The following CLTA variants were observed in gnomAD, a reference collection of about 807,000 sequenced individuals.
CLTA encodes the protein clathrin light chain A.
Under a neutral mutation model 26.9 loss-of-function variants are expected in CLTA, and 9 were observed. The ratio of observed to expected loss-of-function variants is 0.33; its 90% confidence interval spans 0.20 to 0.58. The LOEUF is 0.58. Ranked by LOEUF, CLTA falls within the 20% of genes least tolerant of loss-of-function variation. The pLI is 0.85. For synonymous variants in CLTA, 120 were observed against 115.5 expected (o/e 1.04, Z -0.25); for missense variants, 278 against 294.2 (o/e 0.94, Z 0.40).
intron 4 of CLTA, chr9:36,210,614 T>G: frequency 6.2e-7 from 1 of 1,614,066 alleles, no homozygotes; most frequent in Non-Finnish European, 8.5e-7. Flanking sequence ...TTTCTTCTCT[T>G]CACCTTTAAG....
At chr9:36,196,135 G>A (rs1418955547) in intron 1 of CLTA, among the ~76,000 whole-genome samples, 1 of 151,400 alleles carries the variant, frequency 6.6e-6, no homozygotes, top group Admixed American at 6.6e-5. Context: ...AAAAAATTAG[G>A]TGGGCATGAT....
intron 1 of CLTA, among the ~76,000 whole-genome samples, chr9:36,192,280 G>A (rs1826780229): frequency 6.6e-6 from 1 of 152,292 alleles, no homozygotes; most frequent in African/African-American, 2.4e-5. Context: ...AGAGAAGCTG[G>A]CTTGACATGA....
intron 4 of CLTA, among the ~76,000 whole-genome samples, chr9:36,210,072 G>C (rs982161471): frequency 2.6e-5 from 4 of 151,698 alleles, no homozygotes; most frequent in Non-Finnish European, 5.9e-5. Context: ...CTCTGGAGAA[G>C]GTGTTTTTCT....
rs371898187 is a variant in CLTA at position 36,198,798 on chromosome 9, G to A, written c.256-181G>A. Among the ~76,000 whole-genome samples, 13 of 151,046 alleles carry A rather than the reference G, an allele frequency of 8.6e-5. No individual in the cohort carries two copies. The East Asian group carries it at 2.0e-3, about 23-fold the overall frequency. On this transcript the variant is annotated intron_variant, in intron 2 of 4. Transcript: ENST00000345519. ...TGAGGCAGGAGAATTGCTTGAACCCGGGAGGTGGAGGTTGCAGTGAGCCGA... is the reference window on the plus strand; with the variant it reads ...TGAGGCAGGAGAATTGCTTGAACCCAGGAGGTGGAGGTTGCAGTGAGCCGA...
At chr9:36,194,463 A>T (rs1018018225) in intron 1 of CLTA, among the ~76,000 whole-genome samples, 1 of 152,214 alleles carries the variant, frequency 6.6e-6, no homozygotes, top group Non-Finnish European at 1.5e-5. Flanking sequence ...TGTACTGCAC[A>T]TTTGCTGTAT....
chr9:36,190,922 C>T lies in CLTA; in HGVS notation c.-135C>T. 7.2e-7 allele frequency: 1 copy of T among 1,391,158 alleles called. No homozygotes were observed. Among genetic ancestry groups the T allele is most frequent in the Non-Finnish European group, 9.3e-7 (1 of 1,070,852 alleles). The allele number at this position is 1,391,158 out of a possible 1,614,324, so 86.2% of individuals were successfully genotyped here. On this transcript the variant is annotated 5_prime_UTR_variant, in exon 1 of 5. Coordinates refer to ENST00000345519, the MANE Select transcript of CLTA (RefSeq NM_001833.4). ...CGACCGGATACACGGGTAGGGCTTCCGCTTTACCCGTCTCCCTCCTGGCGC... is the reference window on the plus strand; with the variant it reads ...CGACCGGATACACGGGTAGGGCTTCTGCTTTACCCGTCTCCCTCCTGGCGC...
chr9:36,203,875 GC>G (rs1386226383), intron 3 of CLTA, 192 bp from the exon 4 acceptor site: 4 of 242,712 alleles, frequency 1.6e-5, no homozygotes, highest in Non-Finnish European at 2.6e-5. Flanking sequence ...AGGAATAGAA[GC>G]ACTGAAATCA....
At chr9:36,202,142 CT>C (rs1827451092) in intron 3 of CLTA, among the ~76,000 whole-genome samples, 1 of 152,072 alleles carries the variant, frequency 6.6e-6, no homozygotes, top group Admixed American at 6.6e-5. Context: ...ACTGTATATA[CT>C]TTAGAGTCAT....
intron 1 of CLTA, among the ~76,000 whole-genome samples, chr9:36,191,515 A>G (rs982963714): frequency 6.6e-6 from 1 of 152,186 alleles, no homozygotes; most frequent in Non-Finnish European, 1.5e-5. Context: ...GTAGGGTGGC[A>G]GGCTCCGGAG....
At chr9:36,210,871 C>T (rs778408022) in intron 4 of CLTA, among the ~76,000 whole-genome samples, 2 of 152,170 alleles carry the variant, frequency 1.3e-5, no homozygotes, top group Non-Finnish European at 2.9e-5. Flanking sequence ...CTGTCCTTTC[C>T]GGCTGTAGCT....
At chr9:36,210,740 T>G in intron 4 of CLTA, 1 of 1,545,844 alleles carries the variant, frequency 6.5e-7, no homozygotes, top group Non-Finnish European at 8.9e-7. Flanking sequence ...GCTTCAGCGG[T>G]GTTTGCCACG....
At chr9:36,208,509 GTCCAGTGTTCT>G (rs1209995938) in intron 4 of CLTA, among the ~76,000 whole-genome samples, 3 of 152,220 alleles carry the variant, frequency 2.0e-5, no homozygotes, top group African/African-American at 7.2e-5. Context: ...CAGGATCCTA[GTCCAGTGTTCT>G]TCCCACCAGA....
rs949620609 is a variant in CLTA, at chr9:36,209,127, C to A, written c.486-2476C>A. 55 of 1,001,124 alleles carry A rather than the reference C, an allele frequency of 5.5e-5. 1 individual carries two copies. Among genetic ancestry groups the A allele is most frequent in the Admixed American group, 1.6e-4 (6 of 38,566 alleles). 62.0% of individuals were successfully genotyped at this position (1,001,124 alleles called of 1,614,324 possible). Reference sequence around the variant, plus strand: ...GAAGTCTCCAGCGCTGGAAGCCTCACGGGGGTTAGGAAGGAGCCTTGGGAG... The same window carrying A: ...GAAGTCTCCAGCGCTGGAAGCCTCAAGGGGGTTAGGAAGGAGCCTTGGGAG... On this transcript the variant is annotated intron_variant, in intron 4 of 4. Coordinates refer to ENST00000345519, the MANE Select transcript of CLTA (RefSeq NM_001833.4).
At chr9:36,201,633 G>A (rs1459184419) in intron 3 of CLTA, among the ~76,000 whole-genome samples, 3 of 152,146 alleles carry the variant, frequency 2.0e-5, no homozygotes, top group Non-Finnish European at 2.9e-5. Context: ...TACATTGAAA[G>A]AAAATACTGT....
Position 36,192,454 on chromosome 9 carries a change from C to G in CLTA, c.217+1181C>G, listed in dbSNP as rs371245176. On this transcript the variant is annotated intron_variant, in intron 1 of 4. Transcript: ENST00000345519. ...AGTTTGCAGCCTCTTGAGTTTTTGA[C>G]TGCACCATGTTGCTTCCTAAACAAA... Among the ~76,000 whole-genome samples the G allele has an allele frequency of 5.9e-5, 9 of 152,332 alleles. No homozygotes were observed. The South Asian group carries it at 1.9e-3, about 32-fold the overall frequency.
intron 4 of CLTA, among the ~76,000 whole-genome samples, chr9:36,206,459 A>T (rs1455517880): frequency 2.0e-5 from 3 of 151,912 alleles, no homozygotes; most frequent in African/African-American, 7.3e-5. Context: ...TCCCCTGGAG[A>T]TTTTTATATT....
At chr9:36,202,392 C>T (rs1343693965) in intron 3 of CLTA, among the ~76,000 whole-genome samples, 2 of 151,710 alleles carry the variant, frequency 1.3e-5, no homozygotes, top group Non-Finnish European at 3.0e-5. Flanking sequence ...TTACTTGACA[C>T]CGCTACTGCT....
At chr9:36,201,054 A>G (rs993567265) in intron 3 of CLTA, among the ~76,000 whole-genome samples, 2 of 152,110 alleles carry the variant, frequency 1.3e-5, no homozygotes, top group Non-Finnish European at 2.9e-5. Flanking sequence ...CTCCATGGAG[A>G]GAGTCTACTT....
intron 4 of CLTA, among the ~76,000 whole-genome samples, chr9:36,209,060 G>A (rs945878379): frequency 1.3e-5 from 2 of 152,216 alleles, no homozygotes; most frequent in Admixed American, 1.3e-4. Flanking sequence ...CTGTCGTGGA[G>A]CAGTCCCCAC....
Sources: gnomAD v4.1 joint callset for allele counts (sites outside exome capture counted in the v4.1 genomes callset) on GRCh38, gnomAD v4.1.1 for gene constraint, MANE v1.5 for transcripts, NCBI Gene and HGNC (gene_info 2026-07-23, HGNC 2026-07-21) for gene names.